XKR4: variants seen among roughly 807,000 people sequenced by gnomAD.
XKR4 encodes the protein XK related 4, also known as XK-related protein 4.
XKR4 carries 12 observed loss-of-function variants against 53.9 expected under a neutral mutation model. The ratio of observed to expected loss-of-function variants is 0.22; its 90% CI spans 0.14 to 0.36. The LOEUF (loss-of-function observed/expected upper bound fraction) is 0.36. Among genes scored for constraint, XKR4 ranks in the 10% least tolerant of loss-of-function variants. The pLI is 1.00. For missense variants in XKR4, 799 were observed against 859.5 expected, an observed-to-expected ratio of 0.93 and a Z score of 0.88; for synonymous variants, 354 against 362.4, an observed-to-expected ratio of 0.98 and a Z score of 0.26.
At chr8:55,443,709 C>A (rs1372665452) in intron 2 of XKR4, among the ~76,000 whole-genome samples, 2 of 151,314 alleles carry the variant, frequency 1.3e-5, no homozygotes, top group Non-Finnish European at 3.0e-5. Flanking sequence ...GGCATGGTGG[C>A]CTGTGCCTGT....
intron 1 of XKR4, among the ~76,000 whole-genome samples, chr8:55,201,414 C>T (rs2129362272): frequency 6.6e-6 from 1 of 152,300 alleles, no homozygotes; most frequent in East Asian, 1.9e-4. Context: ...GGAGACTACT[C>T]TGTTATATTT....
At chr8:55,137,949 G>T (rs1475392532) in intron 1 of XKR4, among the ~76,000 whole-genome samples, 1 of 151,942 alleles carries the variant, frequency 6.6e-6, no homozygotes, top group East Asian at 1.9e-4. Flanking sequence ...CTAGTATAAA[G>T]GGCACACCCA....
At chr8:55,474,339 C>T (rs368376178) in intron 2 of XKR4, among the ~76,000 whole-genome samples, 16 of 152,202 alleles carry the variant, frequency 1.1e-4, no homozygotes, top group African/African-American at 3.9e-4. Flanking sequence ...ATTCTTTGCA[C>T]CAATTAGCAC....
chr8:55,454,238 T>A, intron 2 of XKR4: 3 of 1,179,006 alleles, frequency 2.5e-6, no homozygotes, highest in Non-Finnish European at 3.8e-6. Context: ...GGTCACCGTC[T>A]CTCCATCCAG....
At chr8:55,418,436 C>T (rs1173058612) in intron 2 of XKR4, among the ~76,000 whole-genome samples, 1 of 152,196 alleles carries the variant, frequency 6.6e-6, no homozygotes, top group Non-Finnish European at 1.5e-5. Context: ...ACATCTCTTC[C>T]ATCAGCAAAT....
At position 55,424,936 on chromosome 8, in the gene XKR4, G is replaced by A. The variant is rs1415612782; in HGVS notation, c.1006+67059G>A. 5.9e-5 allele frequency among the ~76,000 whole-genome samples: 9 copies of A among 152,018 alleles called. No individual in the cohort carries two copies. In the South Asian group the frequency reaches 8.3e-4, roughly 14 times the overall value. ...AGTTTTACATTTAATTAGCTGCCAC[G>A]GTTTAAAAAAATGGCATACTTTACG... On this transcript the variant is annotated intron_variant, in intron 2 of 2. Transcript: ENST00000327381.
intron 1 of XKR4, among the ~76,000 whole-genome samples, chr8:55,170,913 T>TC (rs1817148233): frequency 6.6e-6 from 1 of 152,152 alleles, no homozygotes; most frequent in African/African-American, 2.4e-5. Context: ...TCAAAGTCTC[T>TC]CCCCCTCCCT....
chr8:55,304,099 G>A (rs542598850), intron 1 of XKR4, among the ~76,000 whole-genome samples: 248 of 152,064 alleles, frequency 1.6e-3, no homozygotes, highest in African/African-American at 5.6e-3. Context: ...TTAGGGTGTC[G>A]ATTTTGGATC....
chr8:55,490,169 A>AT (rs1806251532), intron 2 of XKR4, among the ~76,000 whole-genome samples: 1 of 152,180 alleles, frequency 6.6e-6, no homozygotes, highest in African/African-American at 2.4e-5. Context: ...TTATGAGATC[A>AT]TTTATAGTGC....
In XKR4 at chr8:55,462,390, G is replaced by A. The variant is rs553616197; in HGVS notation, c.1007-60891G>A. 5.9e-3 allele frequency among the ~76,000 whole-genome samples: 896 copies of A among 152,134 alleles called. 9 individuals are homozygous for A. Among genetic ancestry groups the A allele is most frequent in the African/African-American group, 0.02 (835 of 41,518 alleles). On this transcript the variant is annotated intron_variant, in intron 2 of 2. Transcript: ENST00000327381. ...AGCCAAACTAAGCTTCATAAGTGAA[G>A]GAGAAATAAAATACTTTACAGACAA...
chr8:55,499,419 C>T (rs1463854551), intron 2 of XKR4, among the ~76,000 whole-genome samples: 1 of 152,136 alleles, frequency 6.6e-6, no homozygotes, highest in Non-Finnish European at 1.5e-5. Flanking sequence ...TCAGATAGTC[C>T]TTGGGACCCC....
At chr8:55,463,545 C>G (rs1373409202) in intron 2 of XKR4, among the ~76,000 whole-genome samples, 1 of 151,842 alleles carries the variant, frequency 6.6e-6, no homozygotes, top group Non-Finnish European at 1.5e-5. Flanking sequence ...AATTGACACC[C>G]TAACATCACA....
chr8:55,338,977 T>C (rs1433997941), intron 1 of XKR4, among the ~76,000 whole-genome samples: 1 of 152,208 alleles, frequency 6.6e-6, no homozygotes, highest in Non-Finnish European at 1.5e-5. Flanking sequence ...GTGTTAGGAC[T>C]CACAGCAGGA....
At chr8:55,244,685 T>G (rs1036488958) in intron 1 of XKR4, among the ~76,000 whole-genome samples, 4 of 151,182 alleles carry the variant, frequency 2.6e-5, no homozygotes, top group Non-Finnish European at 5.9e-5. Context: ...CCACCAGCAG[T>G]GTATAAGCAT....
At position 55,215,159 on chromosome 8, in the gene XKR4, G is replaced by C. The variant is rs186407151; in HGVS notation, c.806+111865G>C. Among the ~76,000 whole-genome samples the C allele has an allele frequency of 1.7e-3, 265 of 151,796 alleles. 1 individual carries two copies. Among genetic ancestry groups the C allele is most frequent in the African/African-American group, 5.9e-3 (245 of 41,428 alleles). The stretch of plus-strand genomic sequence containing the variant: ...ATTTAGCTGCTGAGTATTATCACAT[G>C]TGATAGATCATAACTCGTCATTCAT... On this transcript the variant is annotated intron_variant, in intron 1 of 2. Transcript: ENST00000327381.
At chr8:55,452,602 T>C in intron 2 of XKR4, 1 of 1,055,666 alleles carries the variant, frequency 9.5e-7, no homozygotes, top group Non-Finnish European at 1.5e-6. Flanking sequence ...AGGGTCTTAA[T>C]GTTTATCTGG....
chr8:55,324,643 A>G (rs1054035781), intron 1 of XKR4, among the ~76,000 whole-genome samples: 1 of 152,214 alleles, frequency 6.6e-6, no homozygotes, highest in Non-Finnish European at 1.5e-5. Flanking sequence ...GGGGAAAACT[A>G]TCATTTATTA....
chr8:55,328,182 C>T (rs1350702490), intron 1 of XKR4, among the ~76,000 whole-genome samples: 2 of 152,090 alleles, frequency 1.3e-5, no homozygotes, highest in Non-Finnish European at 1.5e-5. Context: ...GCCCTTGACA[C>T]GTGGAGGTTA....
chr8:55,541,906 A>G lies in XKR4; in HGVS notation c.*17679A>G, dbSNP rs1201564227. On this transcript the variant is annotated 3_prime_UTR_variant, in exon 3 of 3. Coordinates refer to ENST00000327381, the MANE Select transcript of XKR4 (RefSeq NM_052898.2). ...CAGTGTGTGGAGTATTTGATGTACTACAGTACCATAGTTATTTTGGTCTGT... is the reference window on the plus strand; with the variant it reads ...CAGTGTGTGGAGTATTTGATGTACTGCAGTACCATAGTTATTTTGGTCTGT... The G allele has an allele frequency of 6.6e-6, 1 of 152,156 alleles. No individual in the cohort carries two copies. Among genetic ancestry groups the G allele is most frequent in the Non-Finnish European group, 1.5e-5 (1 of 68,038 alleles). The allele number at this position is 152,156 out of a possible 1,614,324, so 9.4% of individuals were successfully genotyped here.
Sources: gnomAD v4.1 joint callset for allele counts (sites outside exome capture counted in the v4.1 genomes callset) on GRCh38, gnomAD v4.1.1 for gene constraint, MANE v1.5 for transcripts, NCBI Gene and HGNC (gene_info 2026-07-23, HGNC 2026-07-21) for gene names.